Variants in YEATS4 observed in about 807,000 individuals in gnomAD.
YEATS4 encodes YEATS domain containing 4.
A neutral mutation model predicts 30.1 loss-of-function variants in YEATS4; 17 were observed. That is an observed-to-expected ratio of 0.56 (90% CI 0.39 to 0.85). The LOEUF is 0.85. YEATS4 is among the 40% of genes least tolerant of loss of function. The pLI, the probability that YEATS4 is intolerant of heterozygous loss-of-function variation, is 0.00. For missense variants in YEATS4, 142 were observed against 268.3 expected, an observed-to-expected ratio of 0.53 and a Z score of 3.29; for synonymous variants, 85 against 87.5, an observed-to-expected ratio of 0.97 and a Z score of 0.16.
At chr12:69,398,792 G>C in the YEATS4 span, among the ~76,000 whole-genome samples, 1 of 148,700 alleles carries the variant, frequency 6.7e-6, no homozygotes, top group African/African-American at 2.5e-5. Context: ...TCCAGCCTGG[G>C]CAACAGAACA....
At chr12:69,411,424 C>T in the YEATS4 span, among the ~76,000 whole-genome samples, 3 of 152,216 alleles carry the variant, frequency 2.0e-5, no homozygotes, top group Non-Finnish European at 4.4e-5. Flanking sequence ...GCCACCATGC[C>T]AGGCCCAGGT....
chr12:69,405,548 TG>T, the YEATS4 span, among the ~76,000 whole-genome samples: 1 of 152,220 alleles, frequency 6.6e-6, no homozygotes, highest in Non-Finnish European at 1.5e-5. Flanking sequence ...TCACTACTCT[TG>T]CGCTTTGGGG....
chr12:69,370,196 C>A (rs990229628), intron 4 of YEATS4, among the ~76,000 whole-genome samples: 6 of 152,160 alleles, frequency 3.9e-5, no homozygotes, highest in Non-Finnish European at 5.9e-5. Flanking sequence ...TATTTGAAGA[C>A]ATGTTGCTCT....
At chr12:69,397,556 C>T in the YEATS4 span, among the ~76,000 whole-genome samples, 1 of 152,214 alleles carries the variant, frequency 6.6e-6, no homozygotes, top group African/African-American at 2.4e-5. Flanking sequence ...TCTTGCCTGC[C>T]ACCATGTAAG....
chr12:69,360,709 A>T (rs1196208761), intron 1 of YEATS4, among the ~76,000 whole-genome samples: 1 of 148,290 alleles, frequency 6.7e-6, no homozygotes, highest in African/African-American at 2.5e-5. Flanking sequence ...CTTGTTGCCC[A>T]GGCTGGAGCG....
chr12:69,419,927 G>GT, the YEATS4 span, among the ~76,000 whole-genome samples: 1 of 152,216 alleles, frequency 6.6e-6, no homozygotes, highest in East Asian at 1.9e-4. Context: ...GTGATGTTAG[G>GT]TAGGTGTCAA....
chr12:69,388,048 ATTT>A (rs796593282), intron 6 of YEATS4, among the ~76,000 whole-genome samples: 2 of 72,180 alleles, frequency 2.8e-5, no homozygotes, highest in African/African-American at 5.0e-5. Flanking sequence ...GAATTTTTTT[ATTT>A]TTTTTATTTT....
At chr12:69,380,124 T>G (rs1876017485) in intron 6 of YEATS4, among the ~76,000 whole-genome samples, 1 of 152,250 alleles carries the variant, frequency 6.6e-6, no homozygotes, top group South Asian at 2.1e-4. Flanking sequence ...GGTGAGGTCA[T>G]GTTTTCCTGG....
chr12:69,424,638 G>A, the YEATS4 span, among the ~76,000 whole-genome samples: 7 of 152,026 alleles, frequency 4.6e-5, no homozygotes, highest in African/African-American at 1.4e-4. Context: ...TGCTGTTCTC[G>A]TGATAGTGAG....
the YEATS4 span, among the ~76,000 whole-genome samples, chr12:69,403,576 CAA>C: frequency 2.1e-4 from 18 of 87,042 alleles, no homozygotes; most frequent in Admixed American, 2.6e-4. Flanking sequence ...GACTCTGTCT[CAA>C]AAAAAAAAAA....
chr12:69,406,562 T>C, the YEATS4 span, among the ~76,000 whole-genome samples: 1 of 151,900 alleles, frequency 6.6e-6, no homozygotes, highest in African/African-American at 2.4e-5. Context: ...ATTGTTTTGC[T>C]TTGCATTTTT....
downstream of YEATS4, among the ~76,000 whole-genome samples, chr12:69,392,757 A>T (rs968709058): frequency 3.9e-5 from 6 of 152,198 alleles, no homozygotes; most frequent in Non-Finnish European, 8.8e-5. Context: ...TGAGTCAACC[A>T]GCAGTTACTC....
chr12:69,372,380 CATT>C (rs1199856218), intron 6 of YEATS4, among the ~76,000 whole-genome samples: 2 of 152,188 alleles, frequency 1.3e-5, no homozygotes, highest in African/African-American at 4.8e-5. Context: ...TGTACAATTA[CATT>C]ATTATTGACT....
the YEATS4 span, among the ~76,000 whole-genome samples, chr12:69,417,517 G>C: frequency 1.3e-5 from 2 of 152,138 alleles, no homozygotes; most frequent in African/African-American, 4.8e-5. Context: ...CTGAGCAGAT[G>C]AGAACGTATG....
intron 4 of YEATS4, among the ~76,000 whole-genome samples, chr12:69,368,215 A>G (rs1292716406): frequency 6.6e-6 from 1 of 152,216 alleles, no homozygotes; most frequent in East Asian, 1.9e-4. Flanking sequence ...AAGAAAGACA[A>G]GTTGGTTGGA....
downstream of YEATS4, among the ~76,000 whole-genome samples, chr12:69,394,790 C>T (rs759593180): frequency 6.6e-6 from 1 of 152,054 alleles, no homozygotes; most frequent in African/African-American, 2.4e-5. Context: ...TGTAGAATTT[C>T]GCCATAGTCT....
chr12:69,414,452 A>G, the YEATS4 span, among the ~76,000 whole-genome samples: 1 of 152,108 alleles, frequency 6.6e-6, no homozygotes, highest in East Asian at 1.9e-4. Context: ...GCTAGTCTGA[A>G]ACTCCTGGCC....
At chr12:69,424,234 T>G in the YEATS4 span, among the ~76,000 whole-genome samples, 1 of 152,198 alleles carries the variant, frequency 6.6e-6, no homozygotes, top group Non-Finnish European at 1.5e-5. Context: ...GGCTTTTTTG[T>G]TAATTGCCAC....
At chr12:69,364,380 C>T (rs1413890298) in intron 2 of YEATS4, 1 of 184,578 alleles carries the variant, frequency 5.4e-6, no homozygotes, top group Admixed American at 5.8e-5. Context: ...TTTAAAAATT[C>T]CTAAAAGTAA....
Sources: gnomAD v4.1 joint callset for allele counts (sites outside exome capture counted in the v4.1 genomes callset) on GRCh38, gnomAD v4.1.1 for gene constraint, MANE v1.5 for transcripts, NCBI Gene and HGNC (gene_info 2026-07-23, HGNC 2026-07-21) for gene names.